The following FMNL2 variants were observed in gnomAD, a reference collection of about 807,000 sequenced individuals.
The protein encoded by FMNL2 is formin-like protein 2.
A neutral mutation model predicts 130.2 loss-of-function variants in FMNL2; 51 were observed. The ratio of observed to expected loss-of-function variants is 0.39; its 90% CI spans 0.31 to 0.49. The LOEUF (loss-of-function observed/expected upper bound fraction) is 0.49. FMNL2 is among the 20% of genes least tolerant of loss of function. The pLI is 0.85. For synonymous variants in FMNL2, 465 were observed against 467.1 expected (o/e 1.00, Z 0.06); for missense variants, 977 against 1,316.2 (o/e 0.74, Z 3.99).
intron 1 of FMNL2, among the ~76,000 whole-genome samples, chr2:152,370,592 C>A (rs1315242352): frequency 6.6e-6 from 1 of 152,160 alleles, no homozygotes; most frequent in Non-Finnish European, 1.5e-5. Context: ...GGTGGTATTT[C>A]ATTAATGATA....
chr2:152,500,613 C>A (rs911093396), intron 1 of FMNL2, among the ~76,000 whole-genome samples: 2 of 152,170 alleles, frequency 1.3e-5, no homozygotes, highest in Admixed American at 6.5e-5. Context: ...ACTTGGAGGT[C>A]GAGGTCGGTG....
chr2:152,350,925 G>T (rs1160703336), intron 1 of FMNL2, among the ~76,000 whole-genome samples: 1 of 152,048 alleles, frequency 6.6e-6, no homozygotes, highest in Non-Finnish European at 1.5e-5. Context: ...CGCACTTGTA[G>T]TCCCAGCTAC....
chr2:152,392,532 T>C (rs536986699), intron 1 of FMNL2, among the ~76,000 whole-genome samples: 1 of 152,192 alleles, frequency 6.6e-6, no homozygotes, highest in South Asian at 2.1e-4. Flanking sequence ...CAGCATTTGG[T>C]TTAGGGAGCA....
chr2:152,406,004 T>A (rs1685959055), intron 1 of FMNL2, among the ~76,000 whole-genome samples: 1 of 152,206 alleles, frequency 6.6e-6, no homozygotes, highest in Non-Finnish European at 1.5e-5. Flanking sequence ...GGACATTCTG[T>A]CATAATTTAG....
chr2:152,612,815 G>C (rs1365341620), intron 11 of FMNL2, among the ~76,000 whole-genome samples: 1 of 151,844 alleles, frequency 6.6e-6, no homozygotes, highest in East Asian at 1.9e-4. Context: ...CACCATGTTG[G>C]CTAGGCTAGT....
intron 3 of FMNL2, among the ~76,000 whole-genome samples, chr2:152,544,862 T>C (rs1694530557): frequency 6.6e-6 from 1 of 152,218 alleles, no homozygotes; most frequent in South Asian, 2.1e-4. Flanking sequence ...TTAGATCAGC[T>C]GTTTCTGGGT....
At chr2:152,553,529 G>C (rs971921906) in intron 4 of FMNL2, among the ~76,000 whole-genome samples, 20 of 148,252 alleles carry the variant, frequency 1.3e-4, no homozygotes, top group Non-Finnish European at 7.4e-5. Context: ...TACTAAACCA[G>C]CAATTCTCAC....
intron 1 of FMNL2, among the ~76,000 whole-genome samples, chr2:152,505,964 T>C (rs1245200686): frequency 6.6e-6 from 1 of 152,200 alleles, no homozygotes. Context: ...AGATTTGTAC[T>C]CTATCACAAA....
At chr2:152,616,909 T>C (rs1051961605) in intron 12 of FMNL2, among the ~76,000 whole-genome samples, 182 bp from the exon 13 acceptor site, 1 of 152,222 alleles carries the variant, frequency 6.6e-6, no homozygotes, top group Non-Finnish European at 1.5e-5. Context: ...AAGTTATCAA[T>C]TCCTGGTAGA....
intron 9 of FMNL2, among the ~76,000 whole-genome samples, chr2:152,597,464 A>G (rs749096180): frequency 3.9e-5 from 6 of 152,200 alleles, no homozygotes; most frequent in Non-Finnish European, 7.3e-5. Flanking sequence ...ATGTGTATCT[A>G]GGGGTTGAGA....
chr2:152,619,795 C>A, intron 15 of FMNL2, 77 bp downstream of exon 15: 1 of 1,541,020 alleles, frequency 6.5e-7, no homozygotes, highest in South Asian at 1.2e-5. Context: ...GCTATTCTTT[C>A]AAAGTCCAGG....
intron 1 of FMNL2, among the ~76,000 whole-genome samples, chr2:152,354,398 A>G (rs1682674503): frequency 6.6e-6 from 1 of 152,214 alleles, no homozygotes; most frequent in African/African-American, 2.4e-5. Flanking sequence ...GCATTGTTCA[A>G]TAAAAGATGC....
At chr2:152,543,025 G>A (rs1380219132) in intron 3 of FMNL2, among the ~76,000 whole-genome samples, 3 of 152,214 alleles carry the variant, frequency 2.0e-5, no homozygotes, top group African/African-American at 7.2e-5. Context: ...GTTCTTTCCT[G>A]ACATGAGAGT....
At chr2:152,565,298 T>C (rs745631632) in intron 6 of FMNL2, among the ~76,000 whole-genome samples, 2 of 152,222 alleles carry the variant, frequency 1.3e-5, no homozygotes, top group African/African-American at 2.4e-5. Flanking sequence ...AACTGGACTT[T>C]AGGCAATGTC....
At chr2:152,621,092 G>T (rs1699225478) in intron 15 of FMNL2, 14 of 985,432 alleles carry the variant, frequency 1.4e-5, no homozygotes, top group Non-Finnish European at 1.6e-5. Context: ...CCAGGCTGTT[G>T]TCAGTAACTG....
At chr2:152,393,427 T>C (rs1685226397) in intron 1 of FMNL2, among the ~76,000 whole-genome samples, 1 of 152,212 alleles carries the variant, frequency 6.6e-6, no homozygotes, top group African/African-American at 2.4e-5. Context: ...ATAGGATAGA[T>C]GAGAAGAGAG....
At chr2:152,427,602 T>C (rs75698548) in intron 1 of FMNL2, among the ~76,000 whole-genome samples, 19 of 146,132 alleles carry the variant, frequency 1.3e-4, no homozygotes, top group African/African-American at 4.7e-4. Flanking sequence ...CATTATTGTC[T>C]TTTTTTTTCA....
intron 23 of FMNL2, among the ~76,000 whole-genome samples, chr2:152,639,531 C>T (rs185806250): frequency 2.0e-5 from 3 of 152,252 alleles, no homozygotes; most frequent in East Asian, 3.9e-4. Context: ...GGTGAGGCCC[C>T]GAAAAGAAAT....
intron 1 of FMNL2, among the ~76,000 whole-genome samples, chr2:152,461,087 A>G (rs1279295074): frequency 1.3e-5 from 2 of 152,148 alleles, no homozygotes. Flanking sequence ...GAGGATAAGA[A>G]AAGAGTAATA....
Sources: allele counts gnomAD v4.1 joint callset (sites outside exome capture counted in the v4.1 genomes callset), GRCh38; gene constraint gnomAD v4.1.1; transcripts MANE v1.5; gene names NCBI Gene and HGNC (gene_info 2026-07-23, HGNC 2026-07-21).